The following SPRED1 variants were observed in gnomAD, a reference collection of about 807,000 sequenced individuals.
SPRED1 encodes sprouty related EVH1 domain containing 1, also known as sprouty-related, EVH1 domain-containing protein 1.
SPRED1 carries 18 observed loss-of-function variants against 52.3 expected under a neutral mutation model. The ratio of observed to expected loss-of-function variants is 0.34; its 90% CI spans 0.24 to 0.51. SPRED1 has a LOEUF of 0.51. SPRED1 is among the 20% of genes least tolerant of loss of function. The probability of loss-of-function intolerance (pLI) is 0.97; values close to 1 mark genes in which losing one functional copy is unlikely to be tolerated. For missense variants in SPRED1, 485 were observed against 551.0 expected (o/e 0.88, Z 1.20); for synonymous variants, 155 against 179.7 (o/e 0.86, Z 1.10).
intron 1 of SPRED1, among the ~76,000 whole-genome samples, chr15:38,277,659 T>G (rs1894586638): frequency 6.6e-6 from 1 of 152,252 alleles, no homozygotes; most frequent in African/African-American, 2.4e-5. Flanking sequence ...CTGGCTTGAA[T>G]AATAATTCTA....
chr15:38,327,007 A>G (rs1895719467), intron 4 of SPRED1, among the ~76,000 whole-genome samples: 1 of 152,212 alleles, frequency 6.6e-6, no homozygotes, highest in African/African-American at 2.4e-5. Flanking sequence ...CAAGAAGGTC[A>G]CATGGCAGTT....
intron 1 of SPRED1, among the ~76,000 whole-genome samples, chr15:38,294,557 A>G (rs1161463359): frequency 6.6e-6 from 1 of 152,184 alleles, no homozygotes; most frequent in African/African-American, 2.4e-5. Context: ...AGAAATACAA[A>G]TAGGTCTCAC....
chr15:38,266,737 G>A (rs962726669), intron 1 of SPRED1, among the ~76,000 whole-genome samples: 1 of 152,156 alleles, frequency 6.6e-6, no homozygotes, highest in African/African-American at 2.4e-5. Context: ...AGAGATGGAT[G>A]AGACAGACTG....
chr15:38,268,701 G>C (rs1282813945), intron 1 of SPRED1, among the ~76,000 whole-genome samples: 1 of 152,134 alleles, frequency 6.6e-6, no homozygotes, highest in Non-Finnish European at 1.5e-5. Context: ...TTTCCTTATT[G>C]CTTTATGTTA....
intron 4 of SPRED1, among the ~76,000 whole-genome samples, chr15:38,336,426 A>ATGTGTGTGTGTGTGTG (rs1298349053): frequency 2.2e-5 from 3 of 138,474 alleles, no homozygotes; most frequent in East Asian, 2.0e-4. Context: ...GTGTGTGTAT[A>ATGTGTGTGTGTGTGTG]TATATATATA....
intron 1 of SPRED1, among the ~76,000 whole-genome samples, chr15:38,271,098 G>A (rs555081844): frequency 5.9e-5 from 9 of 152,044 alleles, no homozygotes; most frequent in African/African-American, 1.4e-4. Flanking sequence ...ATTATTGAGC[G>A]ACAAAGTCAT....
chr15:38,342,753 A>T (rs1011362964), intron 5 of SPRED1, among the ~76,000 whole-genome samples: 1 of 152,110 alleles, frequency 6.6e-6, no homozygotes, highest in Admixed American at 6.6e-5. Flanking sequence ...ATACCTATGT[A>T]TTAGGTTATG....
At chr15:38,258,049 C>T (rs894700583) in intron 1 of SPRED1, among the ~76,000 whole-genome samples, 9 of 152,180 alleles carry the variant, frequency 5.9e-5, no homozygotes, top group African/African-American at 2.2e-4. Context: ...AAATGCTTCA[C>T]CCCATGTAAG....
chr15:38,280,357 TAGCC>T (rs1246651043), intron 1 of SPRED1, among the ~76,000 whole-genome samples: 2 of 152,218 alleles, frequency 1.3e-5, no homozygotes, highest in Admixed American at 1.3e-4. Flanking sequence ...ATTCTCATGA[TAGCC>T]AGAAGGGTAT....
At chr15:38,342,497 C>T (rs1264653902) in intron 5 of SPRED1, among the ~76,000 whole-genome samples, 1 of 151,842 alleles carries the variant, frequency 6.6e-6, no homozygotes, top group East Asian at 1.9e-4. Flanking sequence ...TCTTCAATAC[C>T]TTATGTATTA....
At chr15:38,336,402 G>GTGTGTGTGTGTA (rs1264196958) in intron 4 of SPRED1, among the ~76,000 whole-genome samples, 3 of 63,168 alleles carry the variant, frequency 4.7e-5, no homozygotes, top group Non-Finnish European at 1.1e-4. Context: ...GTGTGTGTGT[G>GTGTGTGTGTGTA]TGTGTATGTG....
chr15:38,303,076 C>G (rs1008018106), intron 2 of SPRED1, among the ~76,000 whole-genome samples: 1 of 151,996 alleles, frequency 6.6e-6, no homozygotes, highest in Non-Finnish European at 1.5e-5. Flanking sequence ...CCCAGCTACT[C>G]AGGAGGCTGA....
At chr15:38,343,892 TTATG>T (rs1014674327) in intron 5 of SPRED1, among the ~76,000 whole-genome samples, 2 of 152,132 alleles carry the variant, frequency 1.3e-5, no homozygotes, top group African/African-American at 4.8e-5. Flanking sequence ...TATCTGTAGT[TTATG>T]TATGTTATCC....
At chr15:38,340,531 AT>A (rs1006898861) in intron 5 of SPRED1, among the ~76,000 whole-genome samples, 55 of 151,024 alleles carry the variant, frequency 3.6e-4, no homozygotes, top group African/African-American at 1.3e-3. Context: ...CTTTCTTATA[AT>A]TTTTTTTTCT....
At position 38,326,810 on chromosome 15, in the gene SPRED1, C is replaced by T. The variant is rs140292069; in HGVS notation, c.423+2001C>T. Among the ~76,000 whole-genome samples the T allele has an allele frequency of 2.2e-3, 335 of 152,220 alleles. 1 individual carries two copies. The highest frequency in any genetic ancestry group is 7.6e-3 in the African/African-American group (317 of 41,546). On this transcript the variant is annotated intron_variant, in intron 4 of 6. Coordinates refer to ENST00000299084, the MANE Select transcript of SPRED1 (RefSeq NM_152594.3). The stretch of plus-strand genomic sequence containing the variant: ...AACACTATGCAGATGCAAATTTGGC[C>T]TACCTTTCAATGAAAATAGAAGGAA...
chr15:38,295,629 T>G (rs550575485), intron 1 of SPRED1, among the ~76,000 whole-genome samples: 1 of 152,336 alleles, frequency 6.6e-6, no homozygotes, highest in South Asian at 2.1e-4. Flanking sequence ...AATTTTGTTT[T>G]CCTGTTATTA....
intron 1 of SPRED1, among the ~76,000 whole-genome samples, chr15:38,262,260 C>A (rs1003748158): frequency 6.6e-6 from 1 of 152,106 alleles, no homozygotes; most frequent in African/African-American, 2.4e-5. Flanking sequence ...TTTGGAGATA[C>A]AAAGATAATT....
At chr15:38,335,533 A>G (rs1186900969) in intron 4 of SPRED1, among the ~76,000 whole-genome samples, 4 of 127,422 alleles carry the variant, frequency 3.1e-5, no homozygotes, top group Non-Finnish European at 6.8e-5. Flanking sequence ...ATGAATTCAG[A>G]AGGATTTGGG....
intron 2 of SPRED1, among the ~76,000 whole-genome samples, chr15:38,299,850 T>C (rs1328109020): frequency 3.3e-5 from 5 of 152,260 alleles, no homozygotes; most frequent in Admixed American, 6.5e-5. Flanking sequence ...AGCTATTCCC[T>C]AGACCAGAGA....
Sources: gnomAD v4.1 joint callset for allele counts (sites outside exome capture counted in the v4.1 genomes callset) on GRCh38, gnomAD v4.1.1 for gene constraint, MANE v1.5 for transcripts, NCBI Gene and HGNC (gene_info 2026-07-23, HGNC 2026-07-21) for gene names.